MAGI2: variants seen among roughly 807,000 people sequenced by gnomAD.
The protein encoded by MAGI2 is membrane associated guanylate kinase, WW and PDZ domain containing 2.
A neutral mutation model predicts 133.3 loss-of-function variants in MAGI2; 35 were observed. The observed-to-expected ratio is 0.26, with a 90% CI of 0.20 to 0.35. The LOEUF is 0.35. Among genes scored for constraint, MAGI2 ranks in the 10% least tolerant of loss-of-function variants. MAGI2 has a pLI of 1.00. For synonymous variants in MAGI2, 729 were observed against 710.6 expected, an observed-to-expected ratio of 1.03 and a Z score of -0.41; for missense variants, 1,636 against 1,863.4, an observed-to-expected ratio of 0.88 and a Z score of 2.25.
At chr7:79,200,422 G>A (rs1365764519) in intron 1 of MAGI2, among the ~76,000 whole-genome samples, 1 of 149,542 alleles carries the variant, frequency 6.7e-6, no homozygotes, top group South Asian at 2.1e-4. Flanking sequence ...GGGCAACATG[G>A]CGAAACCCCG....
chr7:79,224,963 T>G (rs1373260469), intron 1 of MAGI2, among the ~76,000 whole-genome samples: 1 of 152,242 alleles, frequency 6.6e-6, no homozygotes, highest in African/African-American at 2.4e-5. Context: ...TTACTGCATG[T>G]AAATTATATC....
At chr7:78,948,934 T>C (rs573285179) in intron 2 of MAGI2, among the ~76,000 whole-genome samples, 1 of 152,114 alleles carries the variant, frequency 6.6e-6, no homozygotes, top group African/African-American at 2.4e-5. Flanking sequence ...TCCTAAATTG[T>C]ATACTGAATT....
intron 10 of MAGI2, among the ~76,000 whole-genome samples, chr7:78,246,582 A>G (rs1454786630): frequency 6.6e-6 from 1 of 152,034 alleles, no homozygotes; most frequent in Non-Finnish European, 1.5e-5. Context: ...GAGTAAAGTC[A>G]TCTCTGTGCT....
At chr7:78,914,671 A>AT (rs1206234032) in intron 2 of MAGI2, among the ~76,000 whole-genome samples, 2 of 152,198 alleles carry the variant, frequency 1.3e-5, no homozygotes, top group African/African-American at 4.8e-5. Context: ...TGATTCATGA[A>AT]TTTTCTCATA....
chr7:79,344,976 A>G (rs560775441), intron 1 of MAGI2, among the ~76,000 whole-genome samples: 49 of 152,180 alleles, frequency 3.2e-4, no homozygotes, highest in African/African-American at 1.1e-3. Flanking sequence ...TGAGAGACAA[A>G]TGATCTCAAA....
At chr7:78,673,900 A>G (rs767936212) in intron 2 of MAGI2, among the ~76,000 whole-genome samples, 5 of 152,214 alleles carry the variant, frequency 3.3e-5, no homozygotes, top group Non-Finnish European at 4.4e-5. Flanking sequence ...ACAGAATTGT[A>G]TAAGTGTTCT....
At chr7:78,137,389 G>C (rs1284238683) in intron 16 of MAGI2, among the ~76,000 whole-genome samples, 1 of 152,204 alleles carries the variant, frequency 6.6e-6, no homozygotes, top group Non-Finnish European at 1.5e-5. Flanking sequence ...TATGTAAAGC[G>C]AGTAGAACAG....
intron 2 of MAGI2, among the ~76,000 whole-genome samples, chr7:78,753,005 A>G (rs1036587600): frequency 6.6e-6 from 1 of 152,236 alleles, no homozygotes; most frequent in Admixed American, 6.5e-5. Context: ...TAGAAATTTC[A>G]GGGATTAACC....
chr7:79,000,119 C>T (rs1806712203), intron 2 of MAGI2: 1 of 152,148 alleles, frequency 6.6e-6, no homozygotes, highest in Non-Finnish European at 1.5e-5. Flanking sequence ...ATTGCTTCTA[C>T]TCCTCTGTCT....
At chr7:78,912,322 GA>G (rs776103728) in intron 2 of MAGI2, among the ~76,000 whole-genome samples, 1 of 152,176 alleles carries the variant, frequency 6.6e-6, no homozygotes, top group Non-Finnish European at 1.5e-5. Flanking sequence ...AGAAAGCAAT[GA>G]ACTCAGCTGA....
intron 2 of MAGI2, among the ~76,000 whole-genome samples, chr7:78,897,014 T>C (rs1797266059): frequency 1.3e-5 from 2 of 152,212 alleles, no homozygotes; most frequent in Non-Finnish European, 2.9e-5. Flanking sequence ...TCAAGGAATA[T>C]ATTTTATAAA....
chr7:78,578,901 C>T (rs565990065), intron 3 of MAGI2, among the ~76,000 whole-genome samples: 2 of 152,152 alleles, frequency 1.3e-5, no homozygotes, highest in African/African-American at 2.4e-5. Flanking sequence ...ACCCTCAACC[C>T]CTTTGTTGGA....
chr7:78,128,089 T>G (rs1312826291), intron 18 of MAGI2, among the ~76,000 whole-genome samples: 1 of 152,140 alleles, frequency 6.6e-6, no homozygotes, highest in Non-Finnish European at 1.5e-5. Flanking sequence ...AAGATTAGCA[T>G]CAAATACTAC....
chr7:78,738,571 T>A (rs1822092831), intron 2 of MAGI2, among the ~76,000 whole-genome samples: 1 of 152,192 alleles, frequency 6.6e-6, no homozygotes, highest in Admixed American at 6.5e-5. Context: ...TAATATTATA[T>A]TTCAAAGGGT....
intron 6 of MAGI2, among the ~76,000 whole-genome samples, chr7:78,418,649 C>T (rs894022741): frequency 1.6e-4 from 25 of 152,034 alleles, no homozygotes; most frequent in African/African-American, 5.8e-4. Flanking sequence ...CTCTTTTGGA[C>T]AGTACAGAAC....
intron 1 of MAGI2, among the ~76,000 whole-genome samples, chr7:79,430,805 C>G (rs1029425891): frequency 2.0e-5 from 3 of 152,160 alleles, no homozygotes; most frequent in African/African-American, 7.2e-5. Context: ...CCTAATCTAT[C>G]AGAGCCAATG....
At chr7:78,699,054 C>T (rs1023936939) in intron 2 of MAGI2, among the ~76,000 whole-genome samples, 3 of 152,222 alleles carry the variant, frequency 2.0e-5, no homozygotes, top group Non-Finnish European at 4.4e-5. Flanking sequence ...AGATTGTCCA[C>T]GTGGGTGACT....
intron 10 of MAGI2, among the ~76,000 whole-genome samples, chr7:78,225,490 C>T (rs1344996192): frequency 6.6e-6 from 1 of 152,158 alleles, no homozygotes; most frequent in Non-Finnish European, 1.5e-5. Context: ...GCCAGGACTA[C>T]AGGCATATGC....
chr7:78,956,791 C>T (rs1402086110), intron 2 of MAGI2, among the ~76,000 whole-genome samples: 3 of 152,072 alleles, frequency 2.0e-5, no homozygotes, highest in African/African-American at 7.2e-5. Flanking sequence ...GTTTATTATA[C>T]CAAGGCAGAA....
Sources: gnomAD v4.1 joint callset for allele counts (sites outside exome capture counted in the v4.1 genomes callset) on GRCh38, gnomAD v4.1.1 for gene constraint, MANE v1.5 for transcripts, NCBI Gene and HGNC (gene_info 2026-07-23, HGNC 2026-07-21) for gene names.